Variants in MID1 observed in about 807,000 individuals in gnomAD.
The protein encoded by MID1 is midline 1.
A neutral mutation model predicts 40.4 loss-of-function variants in MID1; 7 were observed. The observed-to-expected ratio is 0.17, with a 90% CI of 0.10 to 0.33. The LOEUF (loss-of-function observed/expected upper bound fraction) is 0.33. Among genes scored for constraint, MID1 ranks in the 10% least tolerant of loss-of-function variants. MID1 has a pLI of 1.00. For missense variants in MID1, 367 were observed against 558.5 expected (o/e 0.66, Z 3.46); for synonymous variants, 229 against 221.2 (o/e 1.04, Z -0.31).
intron 1 of MID1, among the ~76,000 whole-genome samples, chrX:10,632,259 A>G: frequency 8.9e-6 from 1 of 111,922 alleles, no homozygotes; most frequent in East Asian, 2.8e-4. Context: ...ACAAACGTAA[A>G]TGAGCTGTGC....
chrX:10,777,439 C>T (rs1417225337), intron 1 of MID1, among the ~76,000 whole-genome samples: 2 of 109,483 alleles, frequency 1.8e-5, no homozygotes, highest in African/African-American at 6.6e-5. Context: ...CCTCGTGATT[C>T]GCCCGCCTCG....
At chrX:10,552,235 T>A (rs1161569026) in intron 2 of MID1, among the ~76,000 whole-genome samples, 3 of 110,696 alleles carry the variant, frequency 2.7e-5, no homozygotes, top group African/African-American at 9.9e-5. Context: ...ATTAGAGTAG[T>A]CCTCCATGAG....
At chrX:10,452,005 C>T (rs769921303) in intron 9 of MID1, among the ~76,000 whole-genome samples, 44 of 112,063 alleles carry the variant, frequency 3.9e-4, no homozygotes, top group African/African-American at 9.7e-4. Flanking sequence ...ATACTATTTC[C>T]GCTTTTCAGA....
intron 2 of MID1, among the ~76,000 whole-genome samples, chrX:10,547,075 G>A (rs376469283): frequency 8.9e-6 from 1 of 112,066 alleles, no homozygotes; most frequent in African/African-American, 3.2e-5. Flanking sequence ...AAGATCGCTT[G>A]AGCCCAGAAG....
chrX:10,479,613 C>G (rs1018879128), intron 5 of MID1, among the ~76,000 whole-genome samples: 1 of 111,655 alleles, frequency 9.0e-6, no homozygotes, highest in Non-Finnish European at 1.9e-5. Context: ...TCTTTCTGTG[C>G]CTGGCTTAGT....
chrX:10,499,530 G>A lies in MID1; in HGVS notation c.757-3839C>T, dbSNP rs189345763. On this transcript the variant is annotated intron_variant, in intron 3 of 9. Transcript: ENST00000317552. ...CTAAGAAACCATTGCCTATCCCAAG[G>A]TCATGGAGACTTACTGTTCTGTTTT... Among the ~76,000 whole-genome samples the A allele has an allele frequency of 4.5e-5, 5 of 111,589 alleles. No individual in the cohort carries two copies. The East Asian group carries it at 1.4e-3, about 31-fold the overall frequency.
At chrX:10,755,371 T>C (rs1461776267) in intron 1 of MID1, among the ~76,000 whole-genome samples, 2 of 111,461 alleles carry the variant, frequency 1.8e-5, no homozygotes, top group African/African-American at 3.3e-5. Flanking sequence ...GAGTTGCTGA[T>C]GGGAGATAGT....
rs1928139828 is a variant in MID1, at chrX:10,448,596, A to G, written c.*772T>C. ...CAGCCTGAATTTTTGAATAATCAAT[A>G]GGATTCAAAATGACTATTTTCAATT... On this transcript the variant is annotated 3_prime_UTR_variant, in exon 10 of 10. Transcript: ENST00000317552. 1 of 112,315 alleles carries G rather than the reference A, an allele frequency of 8.9e-6. No individual in the cohort carries two copies. Among genetic ancestry groups the G allele is most frequent in the Non-Finnish European group, 1.9e-5 (1 of 53,325 alleles). 9.3% of individuals were successfully genotyped at this position (112,315 alleles called of 1,213,427 possible). A position where few individuals can be genotyped will look rare whatever the true frequency, so the allele number is the denominator to read the frequency against.
At chrX:10,831,140 T>A (rs1279726069) in intron 1 of MID1, among the ~76,000 whole-genome samples, 3 of 111,491 alleles carry the variant, frequency 2.7e-5, no homozygotes, top group Non-Finnish European at 5.7e-5. Context: ...CCAAGAGGGG[T>A]TAACAGCTGG....
chrX:10,808,801 T>A (rs1351705686), intron 1 of MID1, among the ~76,000 whole-genome samples: 3 of 111,990 alleles, frequency 2.7e-5, no homozygotes, highest in East Asian at 2.8e-4. Context: ...GACTTAAATG[T>A]AAGACCTAAA....
chrX:10,789,027 C>A (rs867134947), intron 1 of MID1, among the ~76,000 whole-genome samples: 1 of 103,898 alleles, frequency 9.6e-6, no homozygotes, highest in African/African-American at 4.2e-5. Flanking sequence ...AAACACAAAA[C>A]AAATAAACAA....
At chrX:10,474,149 G>A (rs1305839162) in intron 6 of MID1, among the ~76,000 whole-genome samples, 4 of 111,559 alleles carry the variant, frequency 3.6e-5, no homozygotes, top group African/African-American at 9.8e-5. Context: ...CCAGCAAGAC[G>A]GCTGATCTCT....
At chrX:10,608,731 T>C (rs192878229) in intron 1 of MID1, among the ~76,000 whole-genome samples, 1 of 112,106 alleles carries the variant, frequency 8.9e-6, no homozygotes, top group Admixed American at 9.4e-5. Context: ...AATGGTCTCA[T>C]TCACAGTGGT....
intron 1 of MID1, among the ~76,000 whole-genome samples, chrX:10,683,401 T>C (rs954366406): frequency 9.0e-6 from 1 of 110,647 alleles, no homozygotes; most frequent in Non-Finnish European, 1.9e-5. Flanking sequence ...AAAAATTAGC[T>C]GAGTGTGGCA....
chrX:10,563,366 T>G (rs1476192290), intron 2 of MID1, among the ~76,000 whole-genome samples: 1 of 111,521 alleles, frequency 9.0e-6, no homozygotes, highest in Non-Finnish European at 1.9e-5. Context: ...TTTTTCAATT[T>G]GTATATTTTT....
At chrX:10,598,681 G>A (rs1443798250) in intron 1 of MID1, among the ~76,000 whole-genome samples, 1 of 111,928 alleles carries the variant, frequency 8.9e-6, no homozygotes, top group Non-Finnish European at 1.9e-5. Context: ...AGAAAGAGTG[G>A]ACCACAGCTT....
At position 10,670,849 on chromosome X, in the gene MID1, C is replaced by A. The variant is rs770862185; in HGVS notation, c.-186-50430G>T. ...ATCTTGACCTTCTTATTGCCTTGTTCTTTCCCACTCTCTTTTAGAAAAGAA... is the reference window on the plus strand; with the variant it reads ...ATCTTGACCTTCTTATTGCCTTGTTATTTCCCACTCTCTTTTAGAAAAGAA... On this transcript the variant is annotated intron_variant, in intron 1 of 10. Coordinates refer to the MID1 transcript ENST00000380785. 6.2e-5 allele frequency among the ~76,000 whole-genome samples: 7 copies of A among 112,245 alleles called. No homozygotes were observed. In the South Asian group the frequency reaches 2.6e-3, roughly 42 times the overall value.
chrX:10,550,105 A>G (rs1387395466), intron 2 of MID1, among the ~76,000 whole-genome samples: 2 of 112,610 alleles, frequency 1.8e-5, no homozygotes, highest in Non-Finnish European at 3.7e-5. Context: ...CTTTTGATCT[A>G]TGGAAATAAT....
intron 1 of MID1, among the ~76,000 whole-genome samples, chrX:10,593,545 T>A (rs1221390899): frequency 1.8e-5 from 2 of 111,579 alleles, no homozygotes; most frequent in Non-Finnish European, 3.8e-5. Context: ...AGTCTTACAT[T>A]TTAGCGTTCC....
Sources: gnomAD v4.1 joint callset for allele counts (sites outside exome capture counted in the v4.1 genomes callset) on GRCh38, gnomAD v4.1.1 for gene constraint, MANE v1.5 for transcripts, NCBI Gene and HGNC (gene_info 2026-07-23, HGNC 2026-07-21) for gene names.